The following CCDC40 variants were observed in gnomAD, a reference collection of about 807,000 sequenced individuals.
The protein encoded by CCDC40 is coiled-coil domain-containing protein 40.
In CCDC40, 104 loss-of-function variants were observed where a neutral mutation model predicts 124.5. The observed-to-expected ratio is 0.84, with a 90% CI of 0.71 to 0.98. The LOEUF (loss-of-function observed/expected upper bound fraction) is 0.98, where lower values mean the gene tolerates loss of function less well. Among genes scored for constraint, CCDC40 ranks in the 50% least tolerant of loss-of-function variants. The pLI, the probability that CCDC40 is intolerant of heterozygous loss-of-function variation, is 0.00. For synonymous variants in CCDC40, 580 were observed against 602.9 expected (o/e 0.96, Z 0.56); for missense variants, 1,463 against 1,503.9 (o/e 0.97, Z 0.45).
intron 9 of CCDC40, among the ~76,000 whole-genome samples, chr17:80,064,077 T>A (rs755062500): frequency 2.0e-5 from 3 of 150,628 alleles, no homozygotes; most frequent in Non-Finnish European, 4.4e-5. Flanking sequence ...TAATCCTAAG[T>A]AAGCGTCTGT....
Position 80,097,714 on chromosome 17 carries a change from A to G in CCDC40, c.3180+311A>G, listed in dbSNP as rs114578157. 1.6e-3 allele frequency: 610 copies of G among 389,286 alleles called. 1 individual carries two copies. Among genetic ancestry groups the G allele is most frequent in the African/African-American group, 0.012 (566 of 48,942 alleles). The allele number at this position is 389,286 out of a possible 1,614,324, so 24.1% of individuals were successfully genotyped here. A position where few individuals can be genotyped will look rare whatever the true frequency, so the allele number is the denominator to read the frequency against. On this transcript the variant is annotated intron_variant, in intron 19 of 19. Coordinates refer to ENST00000397545, the MANE Select transcript of CCDC40 (RefSeq NM_017950.4). ...GTTACCTCCTGGGGCAGGAGGACAG[A>G]TGATGAGCAAAATAATTTTAAAAGA...
At position 80,097,321 on chromosome 17, in the gene CCDC40, A is replaced by C; in HGVS notation, c.3098A>C (p.Lys1033Thr). ...AATGTGAGCAGCTCCCTCCTAGAGAAGCAGGAAAAGCTGTCGGTGATTCAG... is the reference window on the plus strand; with the variant it reads ...AATGTGAGCAGCTCCCTCCTAGAGACGCAGGAAAAGCTGTCGGTGATTCAG... ...QRNVSSSLLE[K>T]QEKLSVIQAD... Residue 1033 changes from lysine to threonine, a missense_variant, in exon 19 of 20, where the codon AAG (lysine) becomes ACG (threonine). Coordinates refer to ENST00000397545, the MANE Select transcript of CCDC40 (RefSeq NM_017950.4). 3.7e-6 allele frequency: 6 copies of C among 1,613,954 alleles called. No individual in the cohort carries two copies. Among genetic ancestry groups the C allele is most frequent in the Non-Finnish European group, 8.5e-7 (1 of 1,180,032 alleles).
At chr17:80,047,655 T>C (rs1345499890) in intron 4 of CCDC40, among the ~76,000 whole-genome samples, 2 of 152,210 alleles carry the variant, frequency 1.3e-5, no homozygotes, top group African/African-American at 4.8e-5. Flanking sequence ...CTAAGGCCAT[T>C]AAGGAACTGG....
intron 10 of CCDC40, chr17:80,068,064 C>T (rs1238725735): frequency 2.2e-5 from 19 of 852,446 alleles, no homozygotes; most frequent in Admixed American, 6.2e-5. Flanking sequence ...AATGGAGTCT[C>T]GCTCTGTCCC....
intron 10 of CCDC40, among the ~76,000 whole-genome samples, chr17:80,080,273 C>T (rs1025388261): frequency 3.9e-5 from 6 of 152,000 alleles, no homozygotes; most frequent in African/African-American, 9.7e-5. Context: ...GAAAACATGC[C>T]TCACACACAC....
intron 10 of CCDC40, among the ~76,000 whole-genome samples, chr17:80,075,316 C>T (rs1411687487): frequency 5.7e-5 from 8 of 139,390 alleles, no homozygotes; most frequent in East Asian, 4.3e-4. Context: ...TCTCTTTTGT[C>T]GCCCAGGCTG....
At chr17:80,090,103 C>T (rs2038671910) in intron 17 of CCDC40, 1 of 1,536,378 alleles carries the variant, frequency 6.5e-7, no homozygotes, top group Non-Finnish European at 8.7e-7. Context: ...TCCCCCTTGA[C>T]CCAGCTTTTA....
intron 2 of CCDC40, 65 bp from the exon 3 acceptor site, chr17:80,039,747 G>T: frequency 1.3e-6 from 2 of 1,572,088 alleles, no homozygotes; most frequent in Non-Finnish European, 8.6e-7. Context: ...ACACTATAAA[G>T]AATAAAACCT....
intron 1 of CCDC40, chr17:80,037,920 T>C (rs1598472625): frequency 1.9e-6 from 1 of 533,012 alleles, no homozygotes; most frequent in East Asian, 3.5e-5. Context: ...TTCATGGAGC[T>C]TTGCTTTTGT....
At chr17:80,090,236 CA>C in intron 17 of CCDC40, 2 of 872,154 alleles carry the variant, frequency 2.3e-6, no homozygotes, top group East Asian at 3.1e-5. Context: ...CGCGCGCAGG[CA>C]CGTGCACGAA....
intron 19 of CCDC40, 125 bp from the exon 20 acceptor site, chr17:80,099,402 G>T (rs55990144): frequency 8.9e-7 from 1 of 1,125,048 alleles, no homozygotes; most frequent in African/African-American, 1.5e-5. Flanking sequence ...CCTTCACGCC[G>T]TCCCTTTTCA....
chr17:80,051,561 G>A lies in CCDC40; in HGVS notation c.1159+1278G>A, dbSNP rs868704822. Among the ~76,000 whole-genome samples the A allele has an allele frequency of 3.1e-4, 44 of 143,998 alleles. 1 individual carries two copies. The highest frequency in any genetic ancestry group is 1.1e-3 in the African/African-American group (43 of 37,476). The allele number at this position is 143,998 out of a possible 152,430, so 94.5% of individuals were successfully genotyped here. A position where few individuals can be genotyped will look rare whatever the true frequency, so the allele number is the denominator to read the frequency against. ...GGAGAATGGCGTGAACCTGGGAGTCGGAGCTTGCAGTGAGCCGAGATCCCG... is the reference window on the plus strand; with the variant it reads ...GGAGAATGGCGTGAACCTGGGAGTCAGAGCTTGCAGTGAGCCGAGATCCCG... On this transcript the variant is annotated intron_variant, in intron 7 of 19. Transcript: ENST00000397545.
At chr17:80,040,320 G>T (rs1170409642) in intron 3 of CCDC40, 50 bp downstream of exon 3, 1 of 1,534,848 alleles carries the variant, frequency 6.5e-7, no homozygotes, top group Non-Finnish European at 8.9e-7. Context: ...GGCCCACGGG[G>T]TTTGTCACCC....
intron 10 of CCDC40, among the ~76,000 whole-genome samples, chr17:80,080,721 G>T (rs1355780323): frequency 2.0e-5 from 3 of 152,142 alleles, no homozygotes; most frequent in Admixed American, 1.3e-4. Flanking sequence ...CATAATCACA[G>T]TACAAAAGAG....
Position 80,087,645 on chromosome 17 carries a change from G to A in CCDC40, c.2488G>A (p.Glu830Lys), listed in dbSNP as rs374928230. Residue 830 changes from glutamate to lysine, a missense_variant, in exon 15 of 20, where the codon GAG (glutamate) becomes AAG (lysine). Transcript: ENST00000397545. The surrounding 1 kb of genome is among the most constrained non-coding windows in gnomAD (Gnocchi z 4.5). ...EQEKKEQKEI[E>K]HHMKDLDNDL... is the part of the protein sequence containing the mutation. ...GGAGAAGAAGGAGCAGAAGGAGATCGAGCACCACATGAAGGACCTGGACAA... is the reference window on the plus strand; with the variant it reads ...GGAGAAGAAGGAGCAGAAGGAGATCAAGCACCACATGAAGGACCTGGACAA... 7.4e-6 allele frequency: 12 copies of A among 1,614,014 alleles called. No individual in the cohort carries two copies. Among genetic ancestry groups the A allele is most frequent in the East Asian group, 2.2e-5 (1 of 44,894 alleles).
intron 18 of CCDC40, among the ~76,000 whole-genome samples, chr17:80,095,675 G>A (rs2038798366): frequency 6.6e-6 from 1 of 152,222 alleles, no homozygotes; most frequent in Non-Finnish European, 1.5e-5. Context: ...TCAGGGGTGA[G>A]GATCCAGAGG....
intron 10 of CCDC40, among the ~76,000 whole-genome samples, chr17:80,080,802 A>G (rs1305495294): frequency 6.6e-6 from 1 of 152,178 alleles, no homozygotes. Context: ...AGATTTGGCT[A>G]TTGGCTGCAA....
In CCDC40 at chr17:80,086,070, G is replaced by A. The variant is rs1416204600; in HGVS notation, c.2303G>A (p.Gly768Asp). 2.5e-6 allele frequency: 4 copies of A among 1,614,152 alleles called. No individual in the cohort carries two copies. In the East Asian group the frequency reaches 6.7e-5, roughly 27 times the overall value. Residue 768 changes from glycine to aspartate, a missense_variant, in exon 14 of 20, where the codon GGC (glycine) becomes GAC (aspartate). Gly to Asp is a moderately conservative substitution (Grantham distance 94). Transcript: ENST00000397545. The surrounding 1 kb of genome is among the most constrained non-coding windows in gnomAD (Gnocchi z 5.5). The part of the protein sequence containing the change: ...RLSKLIDEHD[G>D]KAVQAQVTWL... ...AGCAAGCTGATCGACGAGCACGATG[G>A]CAAGGCGGTCCAGGCCCAGGTGACC...
chr17:80,088,579 G>A (rs2038638563), intron 16 of CCDC40, among the ~76,000 whole-genome samples: 1 of 152,356 alleles, frequency 6.6e-6, no homozygotes, highest in East Asian at 1.9e-4. Flanking sequence ...TGCCAAGGCA[G>A]GAGGCTCCTT....
Sources: gnomAD v4.1 joint callset for allele counts (sites outside exome capture counted in the v4.1 genomes callset) on GRCh38, gnomAD v4.1.1 for gene constraint, Gnocchi (gnomAD v3.1) non-coding constraint, MANE v1.5 for transcripts, NCBI Gene and HGNC (gene_info 2026-07-23, HGNC 2026-07-21) for gene names.